The following POMK variants were observed in gnomAD, a reference collection of about 807,000 sequenced individuals.
The protein encoded by POMK is Sugen kinase 196.
Under a neutral mutation model 23.0 loss-of-function variants are expected in POMK, and 19 were observed. The observed-to-expected ratio is 0.83, with a 90% CI of 0.58 to 1.21. POMK has a LOEUF of 1.21. Among genes scored for constraint, POMK ranks in the 50% most tolerant of loss-of-function variants. The probability of loss-of-function intolerance (pLI) is 0.00; values close to 1 mark genes in which losing one functional copy is unlikely to be tolerated. For synonymous variants in POMK, 173 were observed against 171.6 expected (o/e 1.01, Z -0.06); for missense variants, 410 against 431.3 (o/e 0.95, Z 0.44).
chr8:43,103,634 T>C lies in POMK; in HGVS notation c.86T>C (p.Leu29Pro). The C allele has an allele frequency of 6.2e-7, 1 of 1,613,362 alleles. No homozygotes were observed. The highest frequency in any genetic ancestry group is 8.5e-7 in the Non-Finnish European group (1 of 1,179,954). ...PAVGLLLIMA[L>P]MNTLLYLCLD... ...GTTGGGCTGCTGCTGATCATGGCCC[T>C]GATGAATACTCTGCTCTACCTCTGC... is the stretch of plus-strand genomic sequence containing the variant. Residue 29 changes from leucine (L) to proline (P), a missense_variant, in exon 4 of 5, where the codon CTG (leucine) becomes CCG (proline). Physicochemically the swap from Leu to Pro is moderately conservative, Grantham distance 98. Transcript: ENST00000331373.
At chr8:43,116,328 A>G (rs1413772232) in intron 4 of POMK, among the ~76,000 whole-genome samples, 1 of 152,200 alleles carries the variant, frequency 6.6e-6, no homozygotes, top group Non-Finnish European at 1.5e-5. Context: ...TCTGGAGTGC[A>G]GTGGTGCGAT....
intron 4 of POMK, among the ~76,000 whole-genome samples, chr8:43,106,872 G>A: frequency 6.6e-6 from 1 of 152,078 alleles, no homozygotes; most frequent in Non-Finnish European, 1.5e-5. Context: ...CTTAAGGTGT[G>A]GGCTATGAAG....
chr8:43,114,289 T>C (rs1811746186), intron 4 of POMK, among the ~76,000 whole-genome samples: 1 of 152,220 alleles, frequency 6.6e-6, no homozygotes, highest in Non-Finnish European at 1.5e-5. Flanking sequence ...GGCTGCTTTG[T>C]TTACCTAAGC....
chr8:43,117,323 A>C (rs185314435), intron 4 of POMK, among the ~76,000 whole-genome samples: 1 of 152,354 alleles, frequency 6.6e-6, no homozygotes, highest in African/African-American at 2.4e-5. Context: ...TTATTAAGAA[A>C]AATCATAAGA....
intron 2 of POMK, among the ~76,000 whole-genome samples, chr8:43,102,268 C>T (rs564246867): frequency 3.3e-5 from 5 of 152,244 alleles, no homozygotes; most frequent in Admixed American, 1.3e-4. Flanking sequence ...GGACATGTTG[C>T]GGGAATGAGC....
intron 4 of POMK, among the ~76,000 whole-genome samples, chr8:43,113,730 T>C (rs1586676491): frequency 6.6e-6 from 1 of 152,198 alleles, no homozygotes; most frequent in Non-Finnish European, 1.5e-5. Flanking sequence ...TTTTTCCCCA[T>C]CTTTGTGGTT....
intron 2 of POMK, among the ~76,000 whole-genome samples, chr8:43,101,198 G>A (rs1214449345): frequency 6.6e-6 from 1 of 152,012 alleles, no homozygotes; most frequent in African/African-American, 2.4e-5. Context: ...TGACGCAGGA[G>A]GATTGCTTGA....
chr8:43,118,441 G>A (rs1490046762), intron 4 of POMK, among the ~76,000 whole-genome samples: 1 of 152,202 alleles, frequency 6.6e-6, no homozygotes, highest in Non-Finnish European at 1.5e-5. Flanking sequence ...GGGTCGGGAA[G>A]TAAAACTGGG....
At chr8:43,096,886 C>G (rs1344715603) in intron 1 of POMK, among the ~76,000 whole-genome samples, 4 of 152,160 alleles carry the variant, frequency 2.6e-5, no homozygotes, top group Non-Finnish European at 5.9e-5. Context: ...GAGGATAATA[C>G]CAGCCCATCA....
chr8:43,108,967 C>T (rs182201504), intron 4 of POMK, among the ~76,000 whole-genome samples: 21 of 152,216 alleles, frequency 1.4e-4, no homozygotes, highest in East Asian at 1.2e-3. Context: ...TTTTGCAGCA[C>T]GTAACTTTAT....
intron 4 of POMK, among the ~76,000 whole-genome samples, chr8:43,111,178 A>G (rs941966646): frequency 6.6e-6 from 1 of 152,182 alleles, no homozygotes; most frequent in Non-Finnish European, 1.5e-5. Context: ...CTAGTCAAAG[A>G]AAGTGGAGAC....
At chr8:43,112,891 C>T (rs1329720001) in intron 4 of POMK, among the ~76,000 whole-genome samples, 1 of 152,170 alleles carries the variant, frequency 6.6e-6, no homozygotes, top group East Asian at 1.9e-4. Context: ...ACCAGGCCTG[C>T]CCTAAAAGAG....
chr8:43,115,256 C>G (rs564589379), intron 4 of POMK, among the ~76,000 whole-genome samples: 48 of 152,256 alleles, frequency 3.2e-4, no homozygotes, highest in Admixed American at 5.9e-4. Flanking sequence ...TCCTGGACCT[C>G]TCGTCTTCTG....
At chr8:43,119,983 A>G (rs1170295612) in intron 4 of POMK, among the ~76,000 whole-genome samples, 4 of 142,006 alleles carry the variant, frequency 2.8e-5, no homozygotes, top group Non-Finnish European at 6.2e-5. Flanking sequence ...GAAATTTTAT[A>G]TATTTTTGAG....
chr8:43,096,957 G>A (rs1435448479), intron 1 of POMK, among the ~76,000 whole-genome samples: 1 of 152,188 alleles, frequency 6.6e-6, no homozygotes, highest in Admixed American at 6.5e-5. Flanking sequence ...GTGAAAATAA[G>A]CATGTATGAG....
chr8:43,112,303 A>G (rs1022245386), intron 4 of POMK, among the ~76,000 whole-genome samples: 2 of 152,234 alleles, frequency 1.3e-5, no homozygotes, highest in Non-Finnish European at 2.9e-5. Context: ...GATCAACTGG[A>G]AGATAGGGTA....
chr8:43,103,516 T>C lies in POMK; in HGVS notation c.-21-12T>C, dbSNP rs1050776975. On this transcript the variant is annotated splice_polypyrimidine_tract_variant and intron_variant, in intron 3 of 4. Coordinates refer to ENST00000331373, the MANE Select transcript of POMK (RefSeq NM_032237.5). ...TGACTGTCATGACTTCTTGTTTCATTGTGTATTTTAGGAAATTGCAGAGGC... is the reference window on the plus strand; with the variant it reads ...TGACTGTCATGACTTCTTGTTTCATCGTGTATTTTAGGAAATTGCAGAGGC... The C allele has an allele frequency of 6.2e-6, 10 of 1,609,850 alleles. No homozygotes were observed. The highest frequency in any genetic ancestry group is 5.0e-5 in the Admixed American group (3 of 59,476).
intron 2 of POMK, among the ~76,000 whole-genome samples, chr8:43,101,005 G>C (rs1811429189): frequency 6.6e-6 from 1 of 152,128 alleles, no homozygotes; most frequent in Non-Finnish European, 1.5e-5. Flanking sequence ...GTGAGGTCTG[G>C]AGTACGCTCA....
At chr8:43,103,048 T>A (rs1246820065) in intron 3 of POMK, among the ~76,000 whole-genome samples, 1 of 152,212 alleles carries the variant, frequency 6.6e-6, no homozygotes, top group African/African-American at 2.4e-5. Context: ...CTTAAAACTG[T>A]TGAGGGGATT....
Sources: allele counts gnomAD v4.1 joint callset (sites outside exome capture counted in the v4.1 genomes callset), GRCh38; gene constraint gnomAD v4.1.1; transcripts MANE v1.5; gene names NCBI Gene and HGNC (gene_info 2026-07-23, HGNC 2026-07-21).